The following FBLN1 variants were observed in gnomAD, a reference collection of about 807,000 sequenced individuals.
FBLN1 encodes the protein fibulin 1.
A neutral mutation model predicts 89.7 loss-of-function variants in FBLN1; 34 were observed. The ratio of observed to expected loss-of-function variants is 0.38; its 90% CI spans 0.29 to 0.50. The LOEUF (loss-of-function observed/expected upper bound fraction) is 0.50. FBLN1 is among the 20% of genes least tolerant of loss of function. The pLI is 0.92. For synonymous variants in FBLN1, 393 were observed against 391.3 expected (o/e 1.00, Z -0.05); for missense variants, 777 against 988.1 (o/e 0.79, Z 2.86).
rs1170805031 is a variant in FBLN1, at chr22:45,574,370, C to A, written c.1698-141C>A. Reference sequence around the variant, plus strand: ...CCACAGAGCAGCCAGGCTGCAGAGACCACTGTCGTTCTCTGATGGAGCTGT... The same window carrying A: ...CCACAGAGCAGCCAGGCTGCAGAGAACACTGTCGTTCTCTGATGGAGCTGT... On this transcript the variant is annotated intron_variant, in intron 14 of 16. Transcript: ENST00000327858. The surrounding 1 kb of genome is among the most constrained non-coding windows in gnomAD (Gnocchi z 4.1). The A allele has an allele frequency of 3.4e-6, 3 of 872,856 alleles. No individual in the cohort carries two copies. Among genetic ancestry groups the A allele is most frequent in the Non-Finnish European group, 5.5e-6 (3 of 544,014 alleles). The allele number at this position is 872,856 out of a possible 1,614,324, so 54.1% of individuals were successfully genotyped here.
Position 45,513,637 on chromosome 22 carries a change from G to A in FBLN1, c.80-5045G>A, listed in dbSNP as rs768847399. ...CCAAACTGTTAAATACTAACTCCCC[G>A]TCCTCTCCCCCGAAGCCTGTGGCAC... On this transcript the variant is annotated intron_variant, in intron 1 of 16. Coordinates refer to ENST00000327858, the MANE Select transcript of FBLN1 (RefSeq NM_006486.3). Among the ~76,000 whole-genome samples, 5 of 151,846 alleles carry A rather than the reference G, an allele frequency of 3.3e-5. No homozygotes were observed. The East Asian group carries it at 7.7e-4, about 23-fold the overall frequency.
chr22:45,595,531 C>T (rs1381971673), intron 16 of FBLN1, among the ~76,000 whole-genome samples: 1 of 152,126 alleles, frequency 6.6e-6, no homozygotes, highest in East Asian at 1.9e-4. Flanking sequence ...TTTCTAGTTG[C>T]TCGTCTCACC....
At position 45,548,726 on chromosome 22, in the gene FBLN1, A is replaced by G. The variant is rs757846669; in HGVS notation, c.1555A>G (p.Asn519Asp). 1.2e-6 allele frequency: 2 copies of G among 1,613,082 alleles called. No homozygotes were observed. The highest frequency in any genetic ancestry group is 1.7e-5 in the Admixed American group (1 of 60,000). The change falls in exon 13 of 17, where the codon AAT becomes GAT. Residue 519 changes from asparagine to aspartate, a missense_variant. Physicochemically the swap from Asn to Asp is conservative, Grantham distance 23 (BLOSUM62 1). Transcript: ENST00000327858. Reference protein sequence around the residue: ...CPSSGYRLAPNGRNCQDIDEC... With the variant: ...CPSSGYRLAPDGRNCQDIDEC... Reference sequence around the variant, plus strand: ...CTCGTCTGGCTACAGGCTGGCCCCCAATGGCCGCAACTGCCAAGGTGAGCA... The same window carrying G: ...CTCGTCTGGCTACAGGCTGGCCCCCGATGGCCGCAACTGCCAAGGTGAGCA...
At position 45,525,679 on chromosome 22, in the gene FBLN1, G is replaced by C; in HGVS notation, c.321+1G>C. 6.4e-7 allele frequency: 1 copy of C among 1,551,478 alleles called. No homozygotes were observed. Among genetic ancestry groups the C allele is most frequent in the Non-Finnish European group, 8.7e-7 (1 of 1,147,038 alleles). The stretch of plus-strand genomic sequence containing the variant: ...CAGCCTGGAGGCCACATTTGTGAAG[G>C]TGAGAGCCAAAGACCATGTGGGGTC... On this transcript the variant is annotated splice_donor_variant, in intron 3 of 16. Transcript: ENST00000327858. LOFTEE classifies it high-confidence loss of function.
chr22:45,599,669 G>C (rs889727440), intron 16 of FBLN1, among the ~76,000 whole-genome samples: 1 of 152,158 alleles, frequency 6.6e-6, no homozygotes, highest in Non-Finnish European at 1.5e-5. Context: ...TGTAATCCCA[G>C]CACTTTGGGA....
chr22:45,578,759 G>A lies in FBLN1; in HGVS notation c.1972+1651G>A, dbSNP rs1356327445. On this transcript the variant is annotated intron_variant, in intron 16 of 16. Coordinates refer to ENST00000327858, the MANE Select transcript of FBLN1 (RefSeq NM_006486.3). The surrounding 1 kb of genome is among the most constrained non-coding windows in gnomAD (Gnocchi z 4.6). Reference sequence around the variant, plus strand: ...AGTTGTGGCTGGGACATGGCCCTCAGGTGATTTCTAGATCTTGGAACATGG... The same window carrying A: ...AGTTGTGGCTGGGACATGGCCCTCAAGTGATTTCTAGATCTTGGAACATGG... 1.3e-5 allele frequency among the ~76,000 whole-genome samples: 2 copies of A among 152,208 alleles called. No individual in the cohort carries two copies. Among genetic ancestry groups the A allele is most frequent in the Non-Finnish European group, 2.9e-5 (2 of 68,030 alleles).
rs558134667 is a variant in FBLN1, at chr22:45,555,456, A to G, written c.1697+4841A>G. On this transcript the variant is annotated intron_variant, in intron 14 of 16. Coordinates refer to ENST00000327858, the MANE Select transcript of FBLN1 (RefSeq NM_006486.3). Reference sequence around the variant, plus strand: ...ATGAGTCCAATGTTTGAGGGCAGGAAGCATCCAGCACGGGAGAAAGATGTA... The same window carrying G: ...ATGAGTCCAATGTTTGAGGGCAGGAGGCATCCAGCACGGGAGAAAGATGTA... Among the ~76,000 whole-genome samples the G allele has an allele frequency of 2.0e-5, 3 of 152,192 alleles. No individual in the cohort carries two copies. In the South Asian group the frequency reaches 6.2e-4, roughly 32 times the overall value.
chr22:45,538,546 C>T (rs187759940), intron 8 of FBLN1, among the ~76,000 whole-genome samples: 1 of 152,264 alleles, frequency 6.6e-6, no homozygotes, highest in Admixed American at 6.5e-5. Context: ...CATGTCAGCA[C>T]CTTTATGTTA....
chr22:45,526,039 C>T (rs1488010744), intron 3 of FBLN1, among the ~76,000 whole-genome samples: 1 of 152,192 alleles, frequency 6.6e-6, no homozygotes, highest in Non-Finnish European at 1.5e-5. Context: ...GGCACCCTCA[C>T]CCTACCCAGG....
intron 1 of FBLN1, among the ~76,000 whole-genome samples, chr22:45,514,367 C>T (rs1257354413): frequency 6.6e-6 from 1 of 152,182 alleles, no homozygotes; most frequent in African/African-American, 2.4e-5. Flanking sequence ...CCTCTTCTCC[C>T]TGAAGCTCAG....
rs2088701297 is a variant in FBLN1, at chr22:45,551,537, G to C, written c.1697+922G>C. Among the ~76,000 whole-genome samples the C allele has an allele frequency of 2.6e-5, 4 of 152,366 alleles. No homozygotes were observed. The South Asian group carries it at 8.3e-4, about 32-fold the overall frequency. On this transcript the variant is annotated intron_variant, in intron 14 of 16. Coordinates refer to ENST00000327858, the MANE Select transcript of FBLN1 (RefSeq NM_006486.3). Reference sequence around the variant, plus strand: ...CCGAGCAGCCCCGTTGTCCCTGGCAGCCCTCCATATTCTTCCTGGCTTTGC... The same window carrying C: ...CCGAGCAGCCCCGTTGTCCCTGGCACCCCTCCATATTCTTCCTGGCTTTGC...
chr22:45,559,882 C>T (rs1211368015), intron 14 of FBLN1, among the ~76,000 whole-genome samples: 1 of 152,208 alleles, frequency 6.6e-6, no homozygotes, highest in Admixed American at 6.5e-5. Flanking sequence ...GGTCCTTCCT[C>T]AAGAGGACCC....
Position 45,550,612 on chromosome 22 carries a change from C to A in FBLN1, c.1694C>A (p.Ala565Asp). The stretch of plus-strand genomic sequence containing the variant: ...CCTGAGAACTACCGCCGCTCCGCAG[C>A]CACGTAAGTCCCTTGGACCATGCCA... ...ECPENYRRSAATLQQEKTDTV... is the reference protein window; with the variant it reads ...ECPENYRRSADTLQQEKTDTV... The change falls in exon 14 of 17, where the codon GCC becomes GAC. Residue 565 changes from alanine (A) to aspartate (D), a missense_variant. Coordinates refer to ENST00000327858, the MANE Select transcript of FBLN1 (RefSeq NM_006486.3). The surrounding 1 kb of genome is among the most constrained non-coding windows in gnomAD (Gnocchi z 8.4). 1 of 1,614,092 alleles carries A rather than the reference C, an allele frequency of 6.2e-7. No individual in the cohort carries two copies. Among genetic ancestry groups the A allele is most frequent in the Non-Finnish European group, 8.5e-7 (1 of 1,180,042 alleles).
chr22:45,517,749 C>G, intron 1 of FBLN1: 1 of 412,998 alleles, frequency 2.4e-6, no homozygotes, highest in Non-Finnish European at 5.0e-6. Flanking sequence ...CAATCTGTAG[C>G]TTGAGGCTTA....
rs2088690470 is a variant in FBLN1, at chr22:45,550,671, CCA to C, written c.1697+57_1697+58del. 30 of 1,613,414 alleles carry C rather than the reference CCA, an allele frequency of 1.9e-5. No individual in the cohort carries two copies. The South Asian group carries it at 3.0e-4, about 16-fold the overall frequency. On this transcript the variant is annotated intron_variant, in intron 14 of 16. Transcript: ENST00000327858. The surrounding 1 kb of genome is among the most constrained non-coding windows in gnomAD (Gnocchi z 8.4). ...TGTCTGTGTTGGCCTTCCTGGTGAC[CCA>C]GTTCCCGGGTGGGTGGGTTATCAGG...
chr22:45,594,357 G>C (rs1045053131), intron 16 of FBLN1, among the ~76,000 whole-genome samples: 1 of 152,198 alleles, frequency 6.6e-6, no homozygotes, highest in South Asian at 2.1e-4. Flanking sequence ...CACCAGATGA[G>C]GCACGTGGCT....
intron 11 of FBLN1, among the ~76,000 whole-genome samples, chr22:45,544,400 G>T (rs930127056): frequency 6.6e-6 from 1 of 152,070 alleles, no homozygotes; most frequent in Non-Finnish European, 1.5e-5. Flanking sequence ...CTCTAACTTC[G>T]TGTTGGAGTT....
chr22:45,543,292 G>A, intron 10 of FBLN1, 109 bp from the exon 11 acceptor site: 5 of 1,349,986 alleles, frequency 3.7e-6, no homozygotes, highest in East Asian at 2.3e-5. Flanking sequence ...AAAGAAATGA[G>A]GCTGGAGGAG....
rs1238568962 is a variant in FBLN1 at position 45,597,442 on chromosome 22, C to T, written c.1973-2865C>T. On this transcript the variant is annotated intron_variant, in intron 16 of 16. Transcript: ENST00000327858. This position sits in a 1 kb window ranked among gnomAD's most constrained non-coding sequence, Gnocchi z 4.2. Reference sequence around the variant, plus strand: ...GGAAGGGTGGTAAGAAGTGTCTCTGCGCCTAGTACCAGTAAAGTTGGCAGG... The same window carrying T: ...GGAAGGGTGGTAAGAAGTGTCTCTGTGCCTAGTACCAGTAAAGTTGGCAGG... Among the ~76,000 whole-genome samples, 4 of 152,176 alleles carry T rather than the reference C, an allele frequency of 2.6e-5. No individual in the cohort carries two copies. Among genetic ancestry groups the T allele is most frequent in the Non-Finnish European group, 5.9e-5 (4 of 68,040 alleles).
Sources: allele counts gnomAD v4.1 joint callset (sites outside exome capture counted in the v4.1 genomes callset), GRCh38; gene constraint gnomAD v4.1.1; non-coding constraint Gnocchi (gnomAD v3.1); transcripts MANE v1.5; gene names NCBI Gene and HGNC (gene_info 2026-07-23, HGNC 2026-07-21).